Variants in AQP4 observed in about 807,000 individuals in gnomAD.
AQP4 encodes the protein aquaporin 4, also known as aquaporin-4.
In AQP4, 18 loss-of-function variants were observed where a neutral mutation model predicts 27.8. That is an observed-to-expected ratio of 0.65 (90% CI 0.45 to 0.96). AQP4 has a LOEUF of 0.96. Ranked by LOEUF, AQP4 falls within the 40% of genes least tolerant of loss-of-function variation. The pLI, the probability that AQP4 is intolerant of heterozygous loss-of-function variation, is 0.00. For synonymous variants in AQP4, 141 were observed against 142.9 expected, an observed-to-expected ratio of 0.99 and a Z score of 0.10; for missense variants, 412 against 408.2, an observed-to-expected ratio of 1.01 and a Z score of -0.08.
intron 4 of AQP4, among the ~76,000 whole-genome samples, chr18:26,856,850 G>A (rs2054854394): frequency 6.6e-6 from 1 of 152,046 alleles, no homozygotes; most frequent in South Asian, 2.1e-4. Flanking sequence ...TTTCTGGAGA[G>A]TCCTTCTCTT....
chr18:26,863,745 T>C (rs897968394), intron 1 of AQP4, among the ~76,000 whole-genome samples: 4 of 152,208 alleles, frequency 2.6e-5, no homozygotes, highest in Non-Finnish European at 4.4e-5. Context: ...GAAGGCTCTA[T>C]GGAAAACGGC....
chr18:26,862,517 C>G lies in AQP4; in HGVS notation c.112G>C (p.Val38Leu), dbSNP rs778208236. The G allele has an allele frequency of 6.2e-7, 1 of 1,614,214 alleles. No individual in the cohort carries two copies. The highest frequency in any genetic ancestry group is 8.5e-7 in the Non-Finnish European group (1 of 1,180,042). ...GVWTQAFWKA[V>L]TAEFLAMLIF... ...AGCATGGCCAGAAATTCCGCTGTGA[C>G]TGCTTTCCAGAAAGCTTGAGTCCAG... Residue 38 changes from valine (V) to leucine (L), a missense_variant, in exon 2 of 5, where the codon GTC (valine) becomes CTC (leucine). Val to Leu is a conservative substitution (Grantham distance 32, BLOSUM62 1). Coordinates refer to ENST00000383168, the MANE Select transcript of AQP4 (RefSeq NM_001650.7).
intron 1 of AQP4, 163 bp downstream of exon 1, chr18:26,865,495 C>A: frequency 1.2e-6 from 1 of 859,490 alleles, no homozygotes; most frequent in South Asian, 1.3e-5. Context: ...TTCTCTATGC[C>A]TCTCTTCTGA....
At chr18:26,863,681 C>T (rs2055002504) in intron 1 of AQP4, among the ~76,000 whole-genome samples, 1 of 152,178 alleles carries the variant, frequency 6.6e-6, no homozygotes, top group Non-Finnish European at 1.5e-5. Flanking sequence ...TGGTGCAGAG[C>T]TCGGGAAGTC....
intron 4 of AQP4, 92 bp from the exon 5 acceptor site, chr18:26,856,581 A>C: frequency 6.9e-7 from 1 of 1,446,540 alleles, no homozygotes. Flanking sequence ...GGGTTAAATT[A>C]AGAGTGTATT....
At chr18:26,862,997 G>GGC (rs1555661792) in intron 1 of AQP4, 4 of 51,578 alleles carry the variant, frequency 7.8e-5, no homozygotes, top group Admixed American at 2.8e-4. Context: ...AGGTGTGCGT[G>GGC]GGGGGGGGGG....
At chr18:26,856,609 AG>A in intron 4 of AQP4, 120 bp from the exon 5 acceptor site, 1 of 1,175,092 alleles carries the variant, frequency 8.5e-7, no homozygotes, top group East Asian at 2.5e-5. Flanking sequence ...TGCATCAAAA[AG>A]AGGGGAATTG....
At chr18:26,865,720 G>A, upstream of AQP4, 1 of 1,614,008 alleles carries the variant, frequency 6.2e-7, no homozygotes, top group Non-Finnish European at 8.5e-7. Context: ...AGCTCTCATT[G>A]CCTGCCCCGC....
At chr18:26,865,244 A>T in intron 1 of AQP4, 1 of 319,998 alleles carries the variant, frequency 3.1e-6, no homozygotes, top group South Asian at 2.9e-5. Flanking sequence ...GATCAACACA[A>T]TTAGATTTGC....
At chr18:26,860,511 G>A (rs2054921808) in intron 4 of AQP4, among the ~76,000 whole-genome samples, 1 of 152,120 alleles carries the variant, frequency 6.6e-6, no homozygotes, top group African/African-American at 2.4e-5. Flanking sequence ...TAGATACAGT[G>A]TCTAAAATAG....
rs1440335187 is a variant in AQP4 at position 26,862,563 on chromosome 18, G to C, written c.66C>G (p.Ile22Met). 5 of 1,614,072 alleles carry C rather than the reference G, an allele frequency of 3.1e-6. No individual in the cohort carries two copies. Among genetic ancestry groups the C allele is most frequent in the Non-Finnish European group, 1.7e-6 (2 of 1,180,024 alleles). ...KCGPLCTREN[I>M]MVAFKGVWTQ... ...TCCAGACCCCTTTGAAAGCCACCAT[G>C]ATGTTCTCTCTGGTACACAAAGGTC... is the stretch of plus-strand genomic sequence containing the variant. The change falls in exon 2 of 5, where the codon ATC (isoleucine) becomes ATG (methionine). Residue 22 changes from isoleucine (I) to methionine (M), a missense_variant. Ile to Met is a conservative substitution (Grantham distance 10, BLOSUM62 1). Coordinates refer to ENST00000383168, the MANE Select transcript of AQP4 (RefSeq NM_001650.7).
intron 3 of AQP4, 55 bp from the exon 4 acceptor site, chr18:26,860,907 G>C: frequency 6.5e-7 from 1 of 1,534,490 alleles, no homozygotes; most frequent in South Asian, 1.1e-5. Flanking sequence ...CTACTAGCAA[G>C]TATCATTCAT....
chr18:26,856,519 T>C, intron 4 of AQP4, 30 bp from the exon 5 acceptor site: 1 of 1,610,872 alleles, frequency 6.2e-7, no homozygotes, highest in Non-Finnish European at 8.5e-7. Flanking sequence ...GGATAGAGTG[T>C]AAGTAGAGAA....
chr18:26,864,525 A>G (rs1460145140), intron 1 of AQP4, among the ~76,000 whole-genome samples: 2 of 152,140 alleles, frequency 1.3e-5, no homozygotes, highest in Non-Finnish European at 2.9e-5. Flanking sequence ...AAAGAATGTA[A>G]AGAGACAAAA....
chr18:26,862,049 T>G (rs1246491043), intron 2 of AQP4, 133 bp downstream of exon 2: 1 of 1,030,156 alleles, frequency 9.7e-7, no homozygotes, highest in Admixed American at 1.8e-5. Context: ...TTTCACACTA[T>G]TAAGAATCAT....
At chr18:26,860,592 T>A (rs1384198384) in intron 4 of AQP4, 180 bp downstream of exon 4, 1 of 625,154 alleles carries the variant, frequency 1.6e-6, no homozygotes, top group Non-Finnish European at 2.8e-6. Flanking sequence ...ACATCTCTTA[T>A]CTTTTTACAG....
chr18:26,864,889 G>A (rs929494378), intron 1 of AQP4, among the ~76,000 whole-genome samples: 1 of 152,206 alleles, frequency 6.6e-6, no homozygotes, highest in South Asian at 2.1e-4. Context: ...CATTTCCGGA[G>A]TTCTCTCCCT....
In AQP4 at chr18:26,865,649, A is replaced by G. The variant is rs1010893787; in HGVS notation, c.32+9T>C. 2.5e-6 allele frequency: 4 copies of G among 1,614,214 alleles called. No individual in the cohort carries two copies. Among genetic ancestry groups the G allele is most frequent in the Non-Finnish European group, 3.4e-6 (4 of 1,180,034 alleles). Reference sequence around the variant, plus strand: ...AAGCGTTGTTCCCTTAAGGCAAAGAAGGACTTACCCCCACCGCCTTGCTGT... The same window carrying G: ...AAGCGTTGTTCCCTTAAGGCAAAGAGGGACTTACCCCCACCGCCTTGCTGT... On this transcript the variant is annotated intron_variant, in intron 1 of 4. Transcript: ENST00000383168.
At chr18:26,865,375 C>G (rs1227605589) in intron 1 of AQP4, 3 of 539,904 alleles carry the variant, frequency 5.6e-6, no homozygotes, top group Non-Finnish European at 1.0e-5. Flanking sequence ...GTAATTTTTC[C>G]GAAGAAATGT....
Sources: allele counts gnomAD v4.1 joint callset (sites outside exome capture counted in the v4.1 genomes callset), GRCh38; gene constraint gnomAD v4.1.1; transcripts MANE v1.5; gene names NCBI Gene and HGNC (gene_info 2026-07-23, HGNC 2026-07-21).